Variants in VPS53 observed in about 807,000 individuals in gnomAD.
The protein encoded by VPS53 is vacuolar protein sorting-associated protein 53 homolog.
In VPS53, 70 loss-of-function variants were observed where a neutral mutation model predicts 107.0. The observed-to-expected ratio is 0.65, with a 90% CI of 0.54 to 0.80. VPS53 has a LOEUF of 0.80. VPS53 is among the 30% of genes least tolerant of loss of function. The pLI is 0.00. For synonymous variants in VPS53, 409 were observed against 393.3 expected, an observed-to-expected ratio of 1.04 and a Z score of -0.47; for missense variants, 917 against 1,049.4, an observed-to-expected ratio of 0.87 and a Z score of 1.74.
intron 4 of VPS53, chr17:675,037 A>C (rs1236807863): frequency 6.6e-6 from 1 of 152,250 alleles, no homozygotes; most frequent in Non-Finnish European, 1.5e-5. Flanking sequence ...AGATCAAGAC[A>C]AATGACTCAA....
chr17:531,140 G>A (rs1454381880), intron 19 of VPS53, among the ~76,000 whole-genome samples: 3 of 152,176 alleles, frequency 2.0e-5, no homozygotes, highest in Non-Finnish European at 2.9e-5. Context: ...GCAGCTACAT[G>A]GCTGCTTGAG....
At chr17:675,847 T>C (rs998230005) in intron 4 of VPS53, among the ~76,000 whole-genome samples, 3 of 151,604 alleles carry the variant, frequency 2.0e-5, no homozygotes, top group Admixed American at 1.3e-4. Context: ...TTGGGGGTCA[T>C]TATGAAAGTG....
chr17:662,165 T>C (rs1461502084), intron 4 of VPS53, among the ~76,000 whole-genome samples: 2 of 152,212 alleles, frequency 1.3e-5, no homozygotes, highest in African/African-American at 2.4e-5. Context: ...TTACTGTACA[T>C]GTTATTGATA....
chr17:697,874 G>A (rs997543660), intron 3 of VPS53, among the ~76,000 whole-genome samples: 12 of 152,092 alleles, frequency 7.9e-5, no homozygotes, highest in African/African-American at 2.4e-4. Context: ...CTTATGAGGC[G>A]GAAAGAGCCA....
intron 19 of VPS53, among the ~76,000 whole-genome samples, chr17:525,826 CA>C (rs1031259375): frequency 6.6e-6 from 1 of 151,624 alleles, no homozygotes; most frequent in Non-Finnish European, 1.5e-5. Context: ...GGTGAGACCC[CA>C]TCTCTACTAA....
chr17:678,650 A>AT (rs1555580366), intron 4 of VPS53, among the ~76,000 whole-genome samples: 15 of 144,506 alleles, frequency 1.0e-4, no homozygotes, highest in Non-Finnish European at 1.4e-4. Flanking sequence ...ATATATATAT[A>AT]TTTTTTTGAG....
At chr17:708,102 C>T (rs1269475713) in intron 2 of VPS53, among the ~76,000 whole-genome samples, 1 of 151,996 alleles carries the variant, frequency 6.6e-6, no homozygotes, top group Admixed American at 6.6e-5. Context: ...TCTTCGTGTG[C>T]GGAGACGAGA....
intron 4 of VPS53, among the ~76,000 whole-genome samples, chr17:681,108 CA>C (rs1479386222): frequency 6.6e-6 from 1 of 152,090 alleles, no homozygotes; most frequent in African/African-American, 2.4e-5. Flanking sequence ...TCCCCCCAGA[CA>C]AAACAAAGTT....
chr17:522,911 G>A (rs1908860103), intron 19 of VPS53: 2 of 152,208 alleles, frequency 1.3e-5, no homozygotes, highest in African/African-American at 2.4e-5. Flanking sequence ...AGTTCCAGAG[G>A]ATTAACAGCT....
chr17:623,405 C>A, intron 11 of VPS53, 128 bp downstream of exon 11: 1 of 1,116,838 alleles, frequency 9.0e-7, no homozygotes, highest in Non-Finnish European at 1.3e-6. Context: ...CCCAGCAGCT[C>A]AGTGAAATCA....
chr17:589,661 C>T (rs978451478), intron 12 of VPS53, among the ~76,000 whole-genome samples: 3 of 152,096 alleles, frequency 2.0e-5, no homozygotes, highest in Non-Finnish European at 4.4e-5. Context: ...AAAATGGGTA[C>T]AGTGGCCTGG....
At chr17:655,307 C>A (rs1439358071) in intron 6 of VPS53, among the ~76,000 whole-genome samples, 1 of 12,452 alleles carries the variant, frequency 8.0e-5, no homozygotes, top group East Asian at 2.8e-3. Flanking sequence ...AAACGGAAAT[C>A]TACTTTATAA....
intron 17 of VPS53, among the ~76,000 whole-genome samples, chr17:549,577 T>C (rs959156279): frequency 1.6e-5 from 2 of 124,430 alleles, no homozygotes; most frequent in African/African-American, 6.7e-5. Flanking sequence ...CAACCGTGAT[T>C]TTATTGAAAA....
intron 13 of VPS53, among the ~76,000 whole-genome samples, chr17:565,921 C>T (rs1461173878): frequency 5.3e-5 from 8 of 152,150 alleles, no homozygotes; most frequent in African/African-American, 1.4e-4. Context: ...AAGAAATAAC[C>T]GGCCGGGCGC....
At chr17:663,227 T>C (rs1367271865) in intron 4 of VPS53, among the ~76,000 whole-genome samples, 1 of 152,120 alleles carries the variant, frequency 6.6e-6, no homozygotes, top group Non-Finnish European at 1.5e-5. Context: ...AAGCTAATGG[T>C]GAGCCCAGCA....
At chr17:594,015 T>C (rs1175743042) in intron 12 of VPS53, among the ~76,000 whole-genome samples, 1 of 152,230 alleles carries the variant, frequency 6.6e-6, no homozygotes, top group Non-Finnish European at 1.5e-5. Context: ...TGTAGGGACA[T>C]GGATGAAATT....
At chr17:588,338 C>CA (rs1053819137) in intron 12 of VPS53, among the ~76,000 whole-genome samples, 1 of 151,042 alleles carries the variant, frequency 6.6e-6, no homozygotes, top group African/African-American at 2.4e-5. Context: ...AACAAACAAA[C>CA]AAAAAAGAAT....
Position 519,092 on chromosome 17 carries a change from G to A in VPS53, c.*36C>T. The A allele has an allele frequency of 1.4e-6, 2 of 1,468,184 alleles. No individual in the cohort carries two copies. The highest frequency in any genetic ancestry group is 2.5e-5 in the East Asian group (1 of 39,388). 90.9% of individuals were successfully genotyped at this position (1,468,184 alleles called of 1,614,324 possible). On this transcript the variant is annotated 3_prime_UTR_variant, in exon 22 of 22. Coordinates refer to ENST00000437048, the MANE Select transcript of VPS53 (RefSeq NM_001128159.3). This position sits in a 1 kb window ranked among gnomAD's most constrained non-coding sequence, Gnocchi z 5.0. ...GGGCTTCTGGGGAACGGGCGCTGAG[G>A]GTCTCCAGCCAGGAGCAAAGGGCCC...
intron 4 of VPS53, among the ~76,000 whole-genome samples, chr17:683,236 T>C (rs1398366002): frequency 1.3e-5 from 2 of 151,982 alleles, no homozygotes; most frequent in African/African-American, 2.4e-5. Flanking sequence ...GAAGAGATAA[T>C]GGCTGAGAAT....
Sources: gnomAD v4.1 joint callset for allele counts (sites outside exome capture counted in the v4.1 genomes callset) on GRCh38, gnomAD v4.1.1 for gene constraint, Gnocchi (gnomAD v3.1) non-coding constraint, MANE v1.5 for transcripts, NCBI Gene and HGNC (gene_info 2026-07-23, HGNC 2026-07-21) for gene names.